The following SCNN1G variants were observed in gnomAD, a reference collection of about 807,000 sequenced individuals.
SCNN1G encodes epithelial sodium channel subunit gamma.
In SCNN1G, 27 loss-of-function variants were observed where a neutral mutation model predicts 64.6. The observed-to-expected ratio is 0.42, with a 90% CI of 0.31 to 0.58. The LOEUF (loss-of-function observed/expected upper bound fraction) is 0.58. Ranked by LOEUF, SCNN1G falls within the 20% of genes least tolerant of loss-of-function variation. SCNN1G has a pLI of 0.18. For synonymous variants in SCNN1G, 330 were observed against 314.2 expected, an observed-to-expected ratio of 1.05 and a Z score of -0.53; for missense variants, 743 against 823.4, an observed-to-expected ratio of 0.90 and a Z score of 1.19.
chr16:23,187,574 C>T (rs1452589696), intron 2 of SCNN1G, among the ~76,000 whole-genome samples: 3 of 152,200 alleles, frequency 2.0e-5, no homozygotes, highest in Non-Finnish European at 2.9e-5. Context: ...CCTGGCTCTC[C>T]GAGCTCACAT....
chr16:23,186,923 C>T (rs143006237), intron 2 of SCNN1G, among the ~76,000 whole-genome samples: 4 of 151,844 alleles, frequency 2.6e-5, no homozygotes, highest in Non-Finnish European at 5.9e-5. Context: ...ACAATCCTCC[C>T]GAGTAGCTGG....
At chr16:23,203,826 CCCAGT>C (rs1422787286) in intron 6 of SCNN1G, among the ~76,000 whole-genome samples, 1 of 150,768 alleles carries the variant, frequency 6.6e-6, no homozygotes, top group African/African-American at 2.4e-5. Flanking sequence ...TCAAACCCAC[CCCAGT>C]TTTGCACATT....
intron 9 of SCNN1G, 35 bp downstream of exon 9, chr16:23,212,791 G>A (rs760842950): frequency 6.2e-7 from 1 of 1,613,482 alleles, no homozygotes; most frequent in Non-Finnish European, 8.5e-7. Context: ...CGGGTGGCTG[G>A]GTTGGGTTGG....
chr16:23,206,465 G>A (rs1467393669), intron 6 of SCNN1G, among the ~76,000 whole-genome samples: 4 of 152,122 alleles, frequency 2.6e-5, no homozygotes, highest in Non-Finnish European at 5.9e-5. Context: ...TAAAGAATGA[G>A]CTTGCTGGGT....
intron 6 of SCNN1G, among the ~76,000 whole-genome samples, chr16:23,198,502 G>A (rs1244202850): frequency 1.1e-4 from 16 of 152,164 alleles, no homozygotes; most frequent in Non-Finnish European, 4.4e-5. Context: ...AGGCCAAGGT[G>A]GGTGGATCAC....
chr16:23,203,153 C>T (rs964818549), intron 6 of SCNN1G, among the ~76,000 whole-genome samples: 3 of 152,112 alleles, frequency 2.0e-5, no homozygotes, highest in African/African-American at 7.2e-5. Context: ...AAGGTGTGAC[C>T]AAATAAGCAA....
At position 23,186,585 on chromosome 16, in the gene SCNN1G, A is replaced by G; in HGVS notation, c.314A>G (p.Tyr105Cys). ...GTCACCATCTGCAACATCAACCCCT[A>G]CAAGTAAGAGGCATGAGCAGGGAAA... ...PAVTICNINP[Y>C]KYSTVRHLLA... The change falls in exon 2 of 13, where the codon TAC becomes TGC. Residue 105 changes from tyrosine (Y) to cysteine (C), a missense_variant. By Grantham distance (194) the Tyr-to-Cys change is radical (BLOSUM62 -2). Transcript: ENST00000300061. 3.1e-6 allele frequency: 5 copies of G among 1,611,644 alleles called. No homozygotes were observed. The highest frequency in any genetic ancestry group is 4.2e-6 in the Non-Finnish European group (5 of 1,179,664).
At position 23,192,341 on chromosome 16, in the gene SCNN1G, C is replaced by T. The variant is rs377075982; in HGVS notation, c.619-11C>T. 7 of 1,612,766 alleles carry T rather than the reference C, an allele frequency of 4.3e-6. No individual in the cohort carries two copies. Among genetic ancestry groups the T allele is most frequent in the South Asian group, 3.3e-5 (3 of 91,040 alleles). On this transcript the variant is annotated splice_polypyrimidine_tract_variant and intron_variant, in intron 3 of 12. Coordinates refer to ENST00000300061, the MANE Select transcript of SCNN1G (RefSeq NM_001039.4). ...CGATGGCTTCAGCCTCGCATCTCCT[C>T]TTATTCACAGTGCTCAAATGACACC...
In SCNN1G at chr16:23,212,721, G is replaced by A. The variant is rs758875419; in HGVS notation, c.1338G>A (p.Glu446=). Residue 446 remains glutamate (E), a synonymous_variant, in exon 9 of 13, where the codon GAG becomes GAA. Transcript: ENST00000300061. ...YQLHRAFVQE[E]LGCQSVCKEA... ...TGCATCGAGCCTTTGTCCAGGAAGA[G>A]CTGGGCTGCCAGTCTGTGTGCAAGG... 12 of 1,614,198 alleles carry A rather than the reference G, an allele frequency of 7.4e-6. No homozygotes were observed. In the South Asian group the frequency reaches 1.2e-4, roughly 16 times the overall value.
intron 6 of SCNN1G, among the ~76,000 whole-genome samples, chr16:23,200,188 G>T (rs1458811287): frequency 6.6e-6 from 1 of 152,160 alleles, no homozygotes; most frequent in Non-Finnish European, 1.5e-5. Context: ...ATCTCTAGAA[G>T]ATGAGCCCAA....
chr16:23,189,767 C>T, intron 3 of SCNN1G, 96 bp downstream of exon 3: 1 of 1,215,570 alleles, frequency 8.2e-7, no homozygotes, highest in African/African-American at 1.5e-5. Context: ...TGTGGTCCAA[C>T]TGGAAGAAAT....
chr16:23,202,053 A>G (rs1041813192), intron 6 of SCNN1G, among the ~76,000 whole-genome samples: 9 of 152,150 alleles, frequency 5.9e-5, no homozygotes, highest in African/African-American at 2.2e-4. Context: ...CTGGCCTCAA[A>G]CAGTCCTCCC....
intron 10 of SCNN1G, 35 bp downstream of exon 10, chr16:23,212,929 C>T: frequency 1.2e-6 from 2 of 1,605,718 alleles, no homozygotes; most frequent in Non-Finnish European, 1.7e-6. Context: ...CCACTGAAGC[C>T]CCCAGCCTGG....
chr16:23,209,390 G>A (rs1960042912), intron 6 of SCNN1G, among the ~76,000 whole-genome samples: 1 of 152,058 alleles, frequency 6.6e-6, no homozygotes, highest in Non-Finnish European at 1.5e-5. Flanking sequence ...CACTCTATGG[G>A]AAAAACTGCC....
chr16:23,214,799 G>GGCT lies in SCNN1G; in HGVS notation c.1569+13_1569+15dup. 1.2e-6 allele frequency: 2 copies of GGCT among 1,607,322 alleles called. No individual in the cohort carries two copies. The highest frequency in any genetic ancestry group is 1.7e-6 in the Non-Finnish European group (2 of 1,173,870). On this transcript the variant is annotated intron_variant, in intron 12 of 12. Transcript: ENST00000300061. ...GCCCAGCCAACAGTGTGAGTAGAGT[G>GGCT]GCTTCCTTCCAGGACCTGTCCTGGG... is the stretch of plus-strand genomic sequence containing the variant.
At chr16:23,214,917 G>C in intron 12 of SCNN1G, 130 bp downstream of exon 12, 1 of 1,084,910 alleles carries the variant, frequency 9.2e-7, no homozygotes, top group Non-Finnish European at 1.4e-6. Flanking sequence ...GGCTAGCCAG[G>C]TCTCAGGTCG....
chr16:23,194,947 G>A (rs1057109352), intron 5 of SCNN1G: 21 of 153,128 alleles, frequency 1.4e-4, no homozygotes, highest in Middle Eastern at 3.4e-3. Context: ...GGCAGACTCG[G>A]TTCTGGTGAG....
At position 23,189,491 on chromosome 16, in the gene SCNN1G, C is replaced by T. The variant is rs1211934549; in HGVS notation, c.438C>T (p.Val146=). The part of the protein sequence containing the change: ...KRREAESWNS[V]SEGKQPRFSH... ...GAGAGGCGGAGTCCTGGAACTCCGT[C>T]TCAGAGGGAAAGCAGCCTAGATTCT... The change falls in exon 3 of 13, where the codon GTC becomes GTT. Residue 146 remains valine, a synonymous_variant. Coordinates refer to ENST00000300061, the MANE Select transcript of SCNN1G (RefSeq NM_001039.4). 2 of 1,614,202 alleles carry T rather than the reference C, an allele frequency of 1.2e-6. No homozygotes were observed. Among genetic ancestry groups the T allele is most frequent in the South Asian group, 1.1e-5 (1 of 91,084 alleles).
intron 4 of SCNN1G, 40 bp from the exon 5 acceptor site, chr16:23,194,130 AT>A (rs771277115): frequency 7.3e-7 from 1 of 1,370,752 alleles, no homozygotes; most frequent in South Asian, 1.2e-5. Context: ...GCTAAGATGC[AT>A]GGGGGAGATC....
Sources: gnomAD v4.1 joint callset for allele counts (sites outside exome capture counted in the v4.1 genomes callset) on GRCh38, gnomAD v4.1.1 for gene constraint, MANE v1.5 for transcripts, NCBI Gene and HGNC (gene_info 2026-07-23, HGNC 2026-07-21) for gene names.